The following NTN1 variants were observed in gnomAD, a reference collection of about 807,000 sequenced individuals.
NTN1 encodes the protein netrin-1.
NTN1 carries 11 observed loss-of-function variants against 54.2 expected under a neutral mutation model. That is an observed-to-expected ratio of 0.20 (90% confidence interval 0.13 to 0.34). The LOEUF is 0.34. Ranked by LOEUF, NTN1 falls within the 10% of genes least tolerant of loss-of-function variation. NTN1 has a pLI of 1.00. For synonymous variants in NTN1, 371 were observed against 382.0 expected (o/e 0.97, Z 0.33); for missense variants, 740 against 893.1 (o/e 0.83, Z 2.18).
intron 5 of NTN1, among the ~76,000 whole-genome samples, chr17:9,192,679 C>G (rs1904492778): frequency 6.6e-6 from 1 of 152,178 alleles, no homozygotes; most frequent in Admixed American, 6.5e-5. Flanking sequence ...AAAACCCACA[C>G]ATTCTCTCCA....
chr17:9,060,484 G>A (rs938195133), intron 2 of NTN1, among the ~76,000 whole-genome samples: 41 of 152,268 alleles, frequency 2.7e-4, no homozygotes, highest in African/African-American at 9.4e-4. Flanking sequence ...ACTGTGTGGG[G>A]CATTGGTGTC....
At chr17:9,011,772 T>C in the NTN1 span, among the ~76,000 whole-genome samples, 1 of 152,080 alleles carries the variant, frequency 6.6e-6, no homozygotes, top group African/African-American at 2.4e-5. Context: ...GTATTTTTGG[T>C]AGAGATGGGG....
intron 2 of NTN1, among the ~76,000 whole-genome samples, chr17:9,133,657 G>A (rs1354323898): frequency 6.1e-5 from 9 of 146,964 alleles, no homozygotes; most frequent in African/African-American, 1.8e-4. Context: ...GCACAATCTC[G>A]GCTCACTGCA....
At chr17:9,110,804 T>C (rs561562419) in intron 2 of NTN1, among the ~76,000 whole-genome samples, 1 of 152,266 alleles carries the variant, frequency 6.6e-6, no homozygotes, top group South Asian at 2.1e-4. Flanking sequence ...TAGCATTCTT[T>C]ACTTGTAGCC....
chr17:9,099,911 A>C (rs938859585), intron 2 of NTN1, among the ~76,000 whole-genome samples: 2 of 152,230 alleles, frequency 1.3e-5, no homozygotes, highest in Non-Finnish European at 2.9e-5. Context: ...ATATAGAAGA[A>C]AAATGTACTG....
chr17:9,143,052 G>T (rs1597504092), intron 2 of NTN1, among the ~76,000 whole-genome samples: 1 of 152,192 alleles, frequency 6.6e-6, no homozygotes, highest in East Asian at 1.9e-4. Context: ...TGACAAATGG[G>T]CTAAGACCTG....
At chr17:9,098,682 G>A (rs1484161329) in intron 2 of NTN1, among the ~76,000 whole-genome samples, 2 of 152,202 alleles carry the variant, frequency 1.3e-5, no homozygotes, top group African/African-American at 4.8e-5. Flanking sequence ...AGCACCCCCA[G>A]TAGCTGGGGT....
intron 2 of NTN1, among the ~76,000 whole-genome samples, chr17:9,131,581 CTT>C (rs11361363): frequency 3.3e-4 from 44 of 133,996 alleles, no homozygotes; most frequent in Admixed American, 1.3e-3. Context: ...TCCCTTGATG[CTT>C]TTTTTTTTTT....
chr17:9,018,500 G>C (rs1245915735), upstream of NTN1, among the ~76,000 whole-genome samples: 1 of 151,990 alleles, frequency 6.6e-6, no homozygotes, highest in Non-Finnish European at 1.5e-5. Flanking sequence ...CAGGTGTGGT[G>C]GTGGGTACCT....
intron 5 of NTN1, among the ~76,000 whole-genome samples, chr17:9,186,538 T>G (rs1597526470): frequency 1.3e-5 from 2 of 152,356 alleles, no homozygotes; most frequent in East Asian, 3.9e-4. Flanking sequence ...CATCGGGGCC[T>G]TACCTGGTAC....
At chr17:9,139,891 T>TCATCATC (rs1555570994) in intron 2 of NTN1, among the ~76,000 whole-genome samples, 1 of 150,920 alleles carries the variant, frequency 6.6e-6, no homozygotes, top group African/African-American at 2.5e-5. Context: ...ATTTATTCAT[T>TCATCATC]CATCCATTCA....
At chr17:9,030,542 C>T (rs955826676) in intron 2 of NTN1, among the ~76,000 whole-genome samples, 1 of 151,966 alleles carries the variant, frequency 6.6e-6, no homozygotes, top group African/African-American at 2.4e-5. Context: ...GTCAGGAGTT[C>T]GAAACCAGTC....
At chr17:9,104,249 T>A (rs1003588778) in intron 2 of NTN1, among the ~76,000 whole-genome samples, 7 of 151,956 alleles carry the variant, frequency 4.6e-5, no homozygotes, top group South Asian at 2.1e-4. Flanking sequence ...AGAGTTTCAA[T>A]TTGGGAAGAT....
intron 2 of NTN1, among the ~76,000 whole-genome samples, chr17:9,136,959 G>A (rs1418900194): frequency 1.3e-5 from 2 of 152,194 alleles, no homozygotes; most frequent in Non-Finnish European, 2.9e-5. Context: ...AAAGGGGTGT[G>A]TGTGGATTGT....
intron 5 of NTN1, among the ~76,000 whole-genome samples, chr17:9,196,845 C>T (rs1190077472): frequency 6.6e-6 from 1 of 152,182 alleles, no homozygotes. Flanking sequence ...ATTATTTGCA[C>T]AGAGAGGCAT....
intron 2 of NTN1, among the ~76,000 whole-genome samples, chr17:9,113,740 A>G (rs1010394963): frequency 1.3e-5 from 2 of 152,150 alleles, no homozygotes; most frequent in East Asian, 1.9e-4. Flanking sequence ...ATCAAAATCC[A>G]TATGGTACAG....
At position 9,162,980 on chromosome 17, in the gene NTN1, A is replaced by T; in HGVS notation, c.1186A>T (p.Thr396Ser). ...GYYRDMGKPI[T>S]HRKACKACDC... ...CTACCGCGACATGGGCAAGCCCATC[A>T]CCCACCGGAAGGCCTGCAAAGGTGG... The change falls in exon 3 of 7, where the codon ACC becomes TCC. Residue 396 changes from threonine (T) to serine (S), a missense_variant. Thr to Ser is a moderately conservative substitution (Grantham distance 58). Coordinates refer to ENST00000173229, the MANE Select transcript of NTN1 (RefSeq NM_004822.3). 6.2e-7 allele frequency: 1 copy of T among 1,611,578 alleles called. No individual in the cohort carries two copies. Among genetic ancestry groups the T allele is most frequent in the East Asian group, 2.2e-5 (1 of 44,778 alleles).
chr17:9,082,627 G>T (rs113788791), intron 2 of NTN1, among the ~76,000 whole-genome samples: 1 of 152,176 alleles, frequency 6.6e-6, no homozygotes, highest in African/African-American at 2.4e-5. Context: ...TGCAGACGCC[G>T]GGCCGGGGGC....
chr17:9,080,574 G>A lies in NTN1; in HGVS notation c.1018+57183G>A, dbSNP rs185481400. On this transcript the variant is annotated intron_variant, in intron 2 of 6. Transcript: ENST00000173229. ...CTTGGAATCTTCAAAGGGATCAGAT[G>A]TCTTTTGTGTGCTAAGGATTGGTTG... Among the ~76,000 whole-genome samples the A allele has an allele frequency of 1.7e-4, 26 of 152,368 alleles. No individual in the cohort carries two copies. In the East Asian group the frequency reaches 3.9e-3, roughly 23 times the overall value.
Sources: gnomAD v4.1 joint callset for allele counts (sites outside exome capture counted in the v4.1 genomes callset) on GRCh38, gnomAD v4.1.1 for gene constraint, MANE v1.5 for transcripts, NCBI Gene and HGNC (gene_info 2026-07-23, HGNC 2026-07-21) for gene names.